The following MYH11 variants were observed in gnomAD, a reference collection of about 807,000 sequenced individuals.
The protein encoded by MYH11 is myosin-11.
MYH11 carries 80 observed loss-of-function variants against 246.6 expected under a neutral mutation model. That is an observed-to-expected ratio of 0.32 (90% CI 0.27 to 0.39). MYH11 has a LOEUF of 0.39. Ranked by LOEUF, MYH11 falls within the 10% of genes least tolerant of loss-of-function variation. The pLI, the probability that MYH11 is intolerant of heterozygous loss-of-function variation, is 1.00. For synonymous variants in MYH11, 1,071 were observed against 1,015.5 expected (o/e 1.05, Z -1.04); for missense variants, 2,158 against 2,546.8 (o/e 0.85, Z 3.29).
At chr16:15,714,684 T>TAAAGGATCTAGAAGGTTAGCTG in intron 40 of MYH11, 1 of 618,628 alleles carries the variant, frequency 1.6e-6, no homozygotes, top group Non-Finnish European at 2.9e-6. Context: ...GGTCGATCGT[T>TAAAGGATCTAGAAGGTTAGCTG]AAAGGATCTA....
At position 15,757,292 on chromosome 16, in the gene MYH11, GACCACAGGCGTGC is replaced by G. The variant is rs1392986207; in HGVS notation, c.1575+522_1575+534del. ...CCACCTCAGCCTCCCAAATAGCTGG[GACCACAGGCGTGC>G]ACCACCAGGCCCGGCTAATTAGTAG... On this transcript the variant is annotated intron_variant, in intron 13 of 40. Transcript: ENST00000300036. Among the ~76,000 whole-genome samples, 4 of 151,180 alleles carry G rather than the reference GACCACAGGCGTGC, an allele frequency of 2.6e-5. No homozygotes were observed. In the East Asian group the frequency reaches 8.1e-4, roughly 31 times the overall value.
At chr16:15,823,039 C>T (rs1441173715) in intron 3 of MYH11, among the ~76,000 whole-genome samples, 1 of 152,384 alleles carries the variant, frequency 6.6e-6, no homozygotes, top group South Asian at 2.1e-4. Context: ...GGAGCTGGAG[C>T]GGGCCCATGC....
intron 2 of MYH11, among the ~76,000 whole-genome samples, chr16:15,834,911 GTTTTTT>G (rs11414157): frequency 7.6e-6 from 1 of 132,040 alleles, no homozygotes; most frequent in Non-Finnish European, 1.6e-5. Context: ...CTCTACAGAA[GTTTTTT>G]TTTTTTTTTT....
At chr16:15,711,820 G>A (rs1036692896) in intron 40 of MYH11, among the ~76,000 whole-genome samples, 1 of 152,092 alleles carries the variant, frequency 6.6e-6, no homozygotes, top group Admixed American at 6.6e-5. Flanking sequence ...AGCCTCCCTA[G>A]TAGCTGGGAT....
chr16:15,777,785 A>G (rs142462135), intron 7 of MYH11, among the ~76,000 whole-genome samples: 49 of 152,268 alleles, frequency 3.2e-4, no homozygotes, highest in African/African-American at 1.2e-3. Flanking sequence ...TATTATGCAT[A>G]TTATTTCATT....
intron 32 of MYH11, 55 bp from the exon 33 acceptor site, chr16:15,721,106 T>A: frequency 1.3e-6 from 2 of 1,589,254 alleles, no homozygotes; most frequent in Non-Finnish European, 8.6e-7. Flanking sequence ...TGAAGACGAT[T>A]GAGAAACCCA....
chr16:15,826,182 T>G (rs2043560037), intron 2 of MYH11, among the ~76,000 whole-genome samples: 1 of 150,206 alleles, frequency 6.7e-6, no homozygotes. Context: ...TCATTCATTC[T>G]GTACGTCCCA....
chr16:15,732,754 G>C (rs749444111), intron 26 of MYH11, 46 bp from the exon 27 acceptor site: 2 of 1,611,424 alleles, frequency 1.2e-6, no homozygotes, highest in Admixed American at 3.3e-5. Flanking sequence ...GGAGACAGAG[G>C]GTCATCTCAG....
In MYH11 at chr16:15,703,713, C is replaced by T; in HGVS notation, c.*278G>A. 1 of 471,604 alleles carries T rather than the reference C, an allele frequency of 2.1e-6. No homozygotes were observed. The highest frequency in any genetic ancestry group is 2.1e-5 in the South Asian group (1 of 48,248). The allele number at this position is 471,604 out of a possible 1,614,324, so 29.2% of individuals were successfully genotyped here. A position where few individuals can be genotyped will look rare whatever the true frequency, so the allele number is the denominator to read the frequency against. On this transcript the variant is annotated 3_prime_UTR_variant, in exon 41 of 41. Transcript: ENST00000300036. ...GAGCGTTCTTCCTGGCTCAGCCTCC[C>T]TAGTAGCTGGGACCACAGGTGTGTA...
At position 15,838,171 on chromosome 16, in the gene MYH11, C is replaced by G; in HGVS notation, c.82G>C (p.Ala28Pro). The G allele has an allele frequency of 1.2e-6, 2 of 1,614,130 alleles. No individual in the cohort carries two copies. The highest frequency in any genetic ancestry group is 1.7e-6 in the Non-Finnish European group (2 of 1,180,018). The change falls in exon 2 of 41, where the codon GCT (alanine) becomes CCT (proline). Residue 28 changes from alanine to proline, a missense_variant. Physicochemically the swap from Ala to Pro is conservative, Grantham distance 27. This residue lies in a region of MYH11 where 96 missense variants were observed against 91.9 expected (regional missense o/e 1.04). Coordinates refer to ENST00000300036, the MANE Select transcript of MYH11 (RefSeq NM_002474.3). ...ACGAGTCTCTTGGCGGCCCAGTCAG[C>G]CTGGGCCACTGGGCTGTTGATGAAG... ...KNFINSPVAQADWAAKRLVWV... is the reference protein window; with the variant it reads ...KNFINSPVAQPDWAAKRLVWV...
intron 37 of MYH11, chr16:15,717,600 G>C (rs1451751941): frequency 1.7e-6 from 1 of 582,602 alleles, no homozygotes; most frequent in Non-Finnish European, 3.1e-6. Context: ...TTCGAGACCT[G>C]CCTGGCCAAC....
At chr16:15,715,341 G>A (rs1318436767) in intron 38 of MYH11, 69 bp from the exon 39 acceptor site, 3 of 1,469,078 alleles carry the variant, frequency 2.0e-6, no homozygotes, top group East Asian at 2.3e-5. Flanking sequence ...TGTGTCACCT[G>A]GAGGTGGCAT....
At chr16:15,812,164 C>T (rs2043152664) in intron 3 of MYH11, among the ~76,000 whole-genome samples, 2 of 152,120 alleles carry the variant, frequency 1.3e-5, no homozygotes, top group Admixed American at 1.3e-4. Flanking sequence ...ACCAGCAGGG[C>T]TCCGGCTTTG....
chr16:15,834,521 C>T (rs1452393195), intron 2 of MYH11, among the ~76,000 whole-genome samples: 5 of 146,418 alleles, frequency 3.4e-5, no homozygotes, highest in African/African-American at 1.3e-4. Context: ...AGTGAAATTC[C>T]ATCTCAAAAA....
In MYH11 at chr16:15,786,678, C is replaced by T. The variant is rs146695946; in HGVS notation, c.585G>A (p.Leu195=). ...TENTKKVIQY[L]AVVASSHKGK... ...CCTTGTGGGAGGAGGCCACCACGGC[C>T]AGGTACTGAATGACCTTCTTGGTGT... Residue 195 remains leucine, a synonymous_variant, in exon 5 of 41, where the codon CTG becomes CTA. Transcript: ENST00000300036. 254 of 1,614,030 alleles carry T rather than the reference C, an allele frequency of 1.6e-4. No homozygotes were observed. Among genetic ancestry groups the T allele is most frequent in the Non-Finnish European group, 2.1e-4 (245 of 1,180,042 alleles).
At chr16:15,809,423 T>C (rs1786451385) in intron 3 of MYH11, among the ~76,000 whole-genome samples, 1 of 149,580 alleles carries the variant, frequency 6.7e-6, no homozygotes, top group Admixed American at 6.7e-5. Context: ...TCCCAGCTAC[T>C]TGGGAGGCTG....
chr16:15,806,971 T>C (rs868593056), intron 3 of MYH11, among the ~76,000 whole-genome samples: 1 of 152,122 alleles, frequency 6.6e-6, no homozygotes, highest in African/African-American at 2.4e-5. Flanking sequence ...TTTTTTCTTT[T>C]CTTTTTTAAG....
At chr16:15,732,536 A>G (rs2040996226) in intron 27 of MYH11, 28 bp downstream of exon 27, 5 of 1,613,786 alleles carry the variant, frequency 3.1e-6, no homozygotes, top group African/African-American at 1.3e-5. Flanking sequence ...ATGTGTCATC[A>G]CCAAAAAGCA....
intron 1 of MYH11, among the ~76,000 whole-genome samples, chr16:15,856,274 T>A (rs1336595395): frequency 6.9e-6 from 1 of 144,964 alleles, no homozygotes; most frequent in East Asian, 2.1e-4. Flanking sequence ...ACAAACTAGA[T>A]CACAACCAGC....
Sources: gnomAD v4.1 joint callset for allele counts (sites outside exome capture counted in the v4.1 genomes callset) on GRCh38, gnomAD v4.1.1 for gene constraint, gnomAD v4.1.1 regional missense constraint, MANE v1.5 for transcripts, NCBI Gene and HGNC (gene_info 2026-07-23, HGNC 2026-07-21) for gene names.